The following TTC7B variants were observed in gnomAD, a reference collection of about 807,000 sequenced individuals.
The protein encoded by TTC7B is tetratricopeptide repeat protein 7B.
TTC7B carries 28 observed loss-of-function variants against 106.8 expected under a neutral mutation model. The ratio of observed to expected loss-of-function variants is 0.26; its 90% CI spans 0.19 to 0.36. The LOEUF (loss-of-function observed/expected upper bound fraction) is 0.36, where lower values mean the gene tolerates loss of function less well. TTC7B is among the 10% of genes least tolerant of loss of function. TTC7B has a pLI of 1.00. For missense variants in TTC7B, 862 were observed against 1,076.4 expected (o/e 0.80, Z 2.79); for synonymous variants, 405 against 430.6 (o/e 0.94, Z 0.74).
intron 7 of TTC7B, among the ~76,000 whole-genome samples, chr14:90,684,299 C>G (rs1304475053): frequency 6.6e-6 from 1 of 152,098 alleles, no homozygotes. Context: ...ATTGTCGAAG[C>G]TACCTCAACT....
At chr14:90,635,375 T>A (rs1008773150) in intron 15 of TTC7B, among the ~76,000 whole-genome samples, 2 of 152,128 alleles carry the variant, frequency 1.3e-5, no homozygotes, top group African/African-American at 4.8e-5. Context: ...ATAAATAGCA[T>A]GGTAGACACA....
At chr14:90,587,674 T>C (rs1891770845) in intron 18 of TTC7B, among the ~76,000 whole-genome samples, 1 of 152,178 alleles carries the variant, frequency 6.6e-6, no homozygotes, top group African/African-American at 2.4e-5. Context: ...CTGTTCCACA[T>C]CTGCAAATGC....
At chr14:90,696,090 A>G (rs1168116023) in intron 5 of TTC7B, among the ~76,000 whole-genome samples, 1 of 152,072 alleles carries the variant, frequency 6.6e-6, no homozygotes, top group Non-Finnish European at 1.5e-5. Context: ...AAATTCATCA[A>G]ACCAACCCTC....
intron 3 of TTC7B, among the ~76,000 whole-genome samples, chr14:90,767,896 T>C (rs994240521): frequency 6.6e-6 from 1 of 152,178 alleles, no homozygotes. Flanking sequence ...TGGTGAAAGA[T>C]ATTAAGTGAA....
At chr14:90,543,879 C>T (rs1889708772) in intron 19 of TTC7B, among the ~76,000 whole-genome samples, 1 of 152,248 alleles carries the variant, frequency 6.6e-6, no homozygotes, top group Admixed American at 6.5e-5. Context: ...AAGAGGGCAG[C>T]AGGGTAGCTG....
chr14:90,580,942 G>A (rs1238624558), intron 18 of TTC7B, among the ~76,000 whole-genome samples: 1 of 152,206 alleles, frequency 6.6e-6, no homozygotes, highest in East Asian at 1.9e-4. Context: ...GGTTAGTGGC[G>A]ATGCTGCTGA....
intron 8 of TTC7B, among the ~76,000 whole-genome samples, chr14:90,678,206 A>C (rs1303774648): frequency 6.6e-6 from 1 of 152,216 alleles, no homozygotes. Flanking sequence ...ACAAATAATA[A>C]ATATCCCAGA....
intron 19 of TTC7B, among the ~76,000 whole-genome samples, chr14:90,556,068 G>A (rs924506365): frequency 6.6e-6 from 1 of 152,250 alleles, no homozygotes; most frequent in African/African-American, 2.4e-5. Flanking sequence ...GCGCCGCGTG[G>A]TGCACTGACC....
At chr14:90,613,815 C>T (rs1260612238) in intron 16 of TTC7B, among the ~76,000 whole-genome samples, 1 of 152,254 alleles carries the variant, frequency 6.6e-6, no homozygotes, top group Non-Finnish European at 1.5e-5. Flanking sequence ...ACTGGAAGGA[C>T]CCCAGATCCA....
At chr14:90,739,309 G>C (rs559615607) in intron 4 of TTC7B, among the ~76,000 whole-genome samples, 1 of 152,218 alleles carries the variant, frequency 6.6e-6, no homozygotes, top group Non-Finnish European at 1.5e-5. Context: ...AAGGAAAGGA[G>C]GAATTGGCCT....
rs868164172 is a variant in TTC7B at position 90,570,309 on chromosome 14, C to T, written c.2310+7797G>A. ...CCAATCCTGCCTCGAAGTCATTTCC[C>T]GCACTCATTTGGTCAGCAAAGGCTG... is the stretch of plus-strand genomic sequence containing the variant. On this transcript the variant is annotated intron_variant, in intron 19 of 19. Transcript: ENST00000328459. The surrounding 1 kb of genome is among the most constrained non-coding windows in gnomAD (Gnocchi z 4.0). Among the ~76,000 whole-genome samples the T allele has an allele frequency of 8.5e-5, 13 of 152,206 alleles. No individual in the cohort carries two copies. The highest frequency in any genetic ancestry group is 1.4e-4 in the African/African-American group (6 of 41,456).
chr14:90,712,103 T>C (rs1391808357), intron 5 of TTC7B, among the ~76,000 whole-genome samples: 5 of 152,236 alleles, frequency 3.3e-5, no homozygotes, highest in African/African-American at 9.6e-5. Flanking sequence ...GTAGTGTGGC[T>C]ATATTAATAC....
intron 11 of TTC7B, 95 bp from the exon 12 acceptor site, chr14:90,655,205 AG>A: frequency 2.3e-6 from 2 of 865,000 alleles, no homozygotes; most frequent in South Asian, 2.8e-5. Flanking sequence ...ATTTCTGATG[AG>A]TCACTTTGAA....
intron 17 of TTC7B, 90 bp from the exon 18 acceptor site, chr14:90,593,716 A>C (rs961020313): frequency 8.0e-7 from 1 of 1,253,710 alleles, no homozygotes; most frequent in African/African-American, 1.5e-5. Context: ...CGCGGAACAC[A>C]CACACCCCTT....
rs1005661350 is a variant in TTC7B, at chr14:90,631,001, A to G, written c.1752-12956T>C. 2.6e-5 allele frequency among the ~76,000 whole-genome samples: 4 copies of G among 151,816 alleles called. No individual in the cohort carries two copies. The South Asian group carries it at 6.2e-4, about 24-fold the overall frequency. ...AGGCGCCTGCCACCACGCCCAGCTA[A>G]TTTTTTGTATTTTTAGTAGAGACGG... On this transcript the variant is annotated intron_variant, in intron 15 of 19. Transcript: ENST00000328459.
chr14:90,725,400 T>C (rs1308451169), intron 5 of TTC7B, among the ~76,000 whole-genome samples: 2 of 152,180 alleles, frequency 1.3e-5, no homozygotes, highest in Non-Finnish European at 2.9e-5. Flanking sequence ...CAGCAGCCCA[T>C]AGGATACAGA....
Position 90,639,281 on chromosome 14 carries a change from G to C in TTC7B, c.1751+4767C>G, listed in dbSNP as rs575990396. 1.0e-3 allele frequency among the ~76,000 whole-genome samples: 158 copies of C among 152,240 alleles called. 2 individuals are homozygous for C. The highest frequency in any genetic ancestry group is 3.8e-3 in the African/African-American group (156 of 41,544). On this transcript the variant is annotated intron_variant, in intron 15 of 19. Coordinates refer to ENST00000328459, the MANE Select transcript of TTC7B (RefSeq NM_001010854.2). ...AAAGCAAAACAAAATCACAGCTTGG[G>C]AGAAGATTTCTGCAACACATATAAC...
chr14:90,568,837 A>G (rs1202412638), intron 19 of TTC7B, among the ~76,000 whole-genome samples: 1 of 152,212 alleles, frequency 6.6e-6, no homozygotes, highest in Non-Finnish European at 1.5e-5. Flanking sequence ...ATTCCCAGGG[A>G]CATTCCTTTT....
In TTC7B at chr14:90,816,330, G is replaced by GGCCCCACCGCCGCCGCCGCGGC. The variant is rs1191539432; in HGVS notation, c.-57_-36dup. 2.0e-6 allele frequency: 2 copies of GGCCCCACCGCCGCCGCCGCGGC among 990,340 alleles called. No homozygotes were observed. The highest frequency in any genetic ancestry group is 3.5e-5 in the African/African-American group (2 of 56,438). 61.3% of individuals were successfully genotyped at this position (990,340 alleles called of 1,614,324 possible). On this transcript the variant is annotated 5_prime_UTR_variant, in exon 1 of 20. Transcript: ENST00000328459. Reference sequence around the variant, plus strand: ...GCCGGGCCCGGCCGCCCGCCCCGCAGGCCCCACCGCCGCCGCCGCGGCGCC... The same window carrying GGCCCCACCGCCGCCGCCGCGGC: ...GCCGGGCCCGGCCGCCCGCCCCGCAGGCCCCACCGCCGCCGCCGCGGCGCCCCACCGCCGCCGCCGCGGCGCC...
Sources: allele counts gnomAD v4.1 joint callset (sites outside exome capture counted in the v4.1 genomes callset), GRCh38; gene constraint gnomAD v4.1.1; non-coding constraint Gnocchi (gnomAD v3.1); transcripts MANE v1.5; gene names NCBI Gene and HGNC (gene_info 2026-07-23, HGNC 2026-07-21).